Variants in RIN2 observed in about 807,000 individuals in gnomAD.
The protein encoded by RIN2 is Ras and Rab interactor 2, also known as RAB5 interacting protein 2.
RIN2 carries 36 observed loss-of-function variants against 78.0 expected under a neutral mutation model. That is an observed-to-expected ratio of 0.46 (90% CI 0.35 to 0.61). RIN2 has a LOEUF of 0.61. RIN2 is among the 20% of genes least tolerant of loss of function. The probability of loss-of-function intolerance (pLI) is 0.00; values close to 1 mark genes in which losing one functional copy is unlikely to be tolerated. For synonymous variants in RIN2, 466 were observed against 466.8 expected (o/e 1.00, Z 0.02); for missense variants, 1,087 against 1,159.7 (o/e 0.94, Z 0.91).
At chr20:19,761,979 T>C (rs540380936) in intron 1 of RIN2, among the ~76,000 whole-genome samples, 6 of 152,324 alleles carry the variant, frequency 3.9e-5, no homozygotes, top group South Asian at 2.1e-4. Context: ...GTTACATCCA[T>C]TGAGTGAGAA....
chr20:19,914,731 A>G (rs925741731), intron 3 of RIN2, among the ~76,000 whole-genome samples: 5 of 152,214 alleles, frequency 3.3e-5, no homozygotes, highest in African/African-American at 1.2e-4. Flanking sequence ...GCAGACTCTC[A>G]GGCCCTACGG....
intron 11 of RIN2, among the ~76,000 whole-genome samples, chr20:19,992,610 C>T (rs527755632): frequency 6.6e-6 from 1 of 151,980 alleles, no homozygotes; most frequent in Non-Finnish European, 1.5e-5. Context: ...GTAATACACA[C>T]TCGTGGTAGA....
chr20:19,921,249 A>G (rs761842348), intron 3 of RIN2, among the ~76,000 whole-genome samples: 3 of 152,198 alleles, frequency 2.0e-5, no homozygotes, highest in Non-Finnish European at 4.4e-5. Flanking sequence ...CCCCAGAATC[A>G]GAAGAGAACC....
chr20:19,964,656 C>G (rs1284243843), intron 6 of RIN2, among the ~76,000 whole-genome samples: 1 of 151,982 alleles, frequency 6.6e-6, no homozygotes, highest in African/African-American at 2.4e-5. Context: ...TGTCCCCTGC[C>G]CTTTGTGTTC....
intron 2 of RIN2, among the ~76,000 whole-genome samples, chr20:19,851,727 G>T (rs1298003686): frequency 6.6e-6 from 1 of 152,052 alleles, no homozygotes; most frequent in African/African-American, 2.4e-5. Flanking sequence ...CTTCTCTTGG[G>T]CTCCCAAGAG....
intron 9 of RIN2, among the ~76,000 whole-genome samples, chr20:19,987,112 C>G (rs1245432774): frequency 2.0e-5 from 3 of 152,212 alleles, no homozygotes; most frequent in African/African-American, 7.2e-5. Context: ...TGTTCTGGAG[C>G]AGTAATGTGA....
chr20:19,866,556 T>C (rs2037513058), intron 2 of RIN2, among the ~76,000 whole-genome samples: 1 of 152,236 alleles, frequency 6.6e-6, no homozygotes, highest in South Asian at 2.1e-4. Context: ...ATGCTTTTTA[T>C]ATCAAATTTC....
At chr20:19,773,362 T>C (rs2034203098) in intron 1 of RIN2, among the ~76,000 whole-genome samples, 1 of 152,144 alleles carries the variant, frequency 6.6e-6, no homozygotes, top group Non-Finnish European at 1.5e-5. Context: ...AACCCATAAC[T>C]AGGTGTAAAA....
intron 3 of RIN2, among the ~76,000 whole-genome samples, chr20:19,903,303 G>A (rs2039069456): frequency 6.6e-6 from 1 of 152,072 alleles, no homozygotes; most frequent in Non-Finnish European, 1.5e-5. Flanking sequence ...GCTCGTGTGT[G>A]TCGAAAGAGG....
In RIN2 at chr20:19,996,670, T is replaced by C; in HGVS notation, c.2201-9T>C. ...CACTGGGAGGACCCACTCTTTCTGC[T>C]CTTTTCAGGAGGCTATTACTTGACA... On this transcript the variant is annotated splice_polypyrimidine_tract_variant and intron_variant, in intron 11 of 12. Transcript: ENST00000255006. 6.2e-7 allele frequency: 1 copy of C among 1,614,022 alleles called. No homozygotes were observed. The highest frequency in any genetic ancestry group is 8.5e-7 in the Non-Finnish European group (1 of 1,179,894).
At chr20:19,999,902 C>T (rs543206809) in intron 12 of RIN2, among the ~76,000 whole-genome samples, 1 of 152,274 alleles carries the variant, frequency 6.6e-6, no homozygotes, top group East Asian at 1.9e-4. Context: ...CACTAGGAGC[C>T]TTGTATTAGA....
chr20:19,911,818 A>G (rs2123730213), intron 3 of RIN2, among the ~76,000 whole-genome samples: 1 of 152,366 alleles, frequency 6.6e-6, no homozygotes, highest in Non-Finnish European at 1.5e-5. Flanking sequence ...CACAAAGTCA[A>G]CATACCTGTT....
chr20:19,765,046 C>T (rs1366483352), intron 1 of RIN2, among the ~76,000 whole-genome samples: 2 of 147,758 alleles, frequency 1.4e-5, no homozygotes, highest in African/African-American at 5.1e-5. Context: ...GACGGGGTTT[C>T]ACCATGTTGG....
At position 19,844,698 on chromosome 20, in the gene RIN2, C is replaced by CTCTTCTTCTTCTTCTTCTTCTTCT. The variant is rs869169793; in HGVS notation, c.-36-44845_-36-44822dup. Among the ~76,000 whole-genome samples, 17 of 26,310 alleles carry CTCTTCTTCTTCTTCTTCTTCTTCT rather than the reference C, an allele frequency of 6.5e-4. 1 individual carries two copies. The highest frequency in any genetic ancestry group is 2.0e-3 in the African/African-American group (17 of 8,648). 17.3% of individuals were successfully genotyped at this position (26,310 alleles called of 152,430 possible). A position where few individuals can be genotyped will look rare whatever the true frequency, so the allele number is the denominator to read the frequency against. On this transcript the variant is annotated intron_variant, in intron 2 of 12. Coordinates refer to ENST00000255006, the MANE Select transcript of RIN2 (RefSeq NM_018993.4). Reference sequence around the variant, plus strand: ...CTTCTTCTTCTTCCTCTTCCTCTTCCTCTTCTTCTTCTTCTTCTTCTTCTT... The same window carrying CTCTTCTTCTTCTTCTTCTTCTTCT: ...CTTCTTCTTCTTCCTCTTCCTCTTCCTCTTCTTCTTCTTCTTCTTCTTCTTCTTCTTCTTCTTCTTCTTCTTCTT...
chr20:19,844,960 A>C (rs1274569869), intron 2 of RIN2, among the ~76,000 whole-genome samples: 2 of 151,436 alleles, frequency 1.3e-5, no homozygotes, highest in Non-Finnish European at 2.9e-5. Context: ...TTCAACTCCC[A>C]CTTATGAGTG....
chr20:19,942,317 G>C (rs768525076), intron 4 of RIN2, among the ~76,000 whole-genome samples: 7 of 152,092 alleles, frequency 4.6e-5, no homozygotes, highest in Admixed American at 2.6e-4. Context: ...TGGGAAGCAG[G>C]TAATTCTAGG....
chr20:19,945,589 G>T (rs1017237231), intron 4 of RIN2, among the ~76,000 whole-genome samples: 1 of 152,196 alleles, frequency 6.6e-6, no homozygotes, highest in Non-Finnish European at 1.5e-5. Flanking sequence ...CTTGGATGGA[G>T]CACTGGTCTC....
At chr20:19,856,060 C>T (rs986446436) in intron 2 of RIN2, among the ~76,000 whole-genome samples, 5 of 151,968 alleles carry the variant, frequency 3.3e-5, no homozygotes, top group African/African-American at 4.8e-5. Context: ...CGTGACACAG[C>T]AAGACTCCTT....
intron 1 of RIN2, among the ~76,000 whole-genome samples, chr20:19,781,099 T>C (rs2122524550): frequency 6.6e-6 from 1 of 152,212 alleles, no homozygotes; most frequent in East Asian, 1.9e-4. Flanking sequence ...CTGGAACATA[T>C]AGTTTACAAG....
Sources: gnomAD v4.1 joint callset for allele counts (sites outside exome capture counted in the v4.1 genomes callset) on GRCh38, gnomAD v4.1.1 for gene constraint, MANE v1.5 for transcripts, NCBI Gene and HGNC (gene_info 2026-07-23, HGNC 2026-07-21) for gene names.